The following TAFA1 variants were observed in gnomAD, a reference collection of about 807,000 sequenced individuals.
TAFA1 encodes chemokine-like protein TAFA-1.
In TAFA1, 4 loss-of-function variants were observed where a neutral mutation model predicts 18.5. The ratio of observed to expected loss-of-function variants is 0.22; its 90% CI spans 0.11 to 0.49. TAFA1 has a LOEUF of 0.49. Among genes scored for constraint, TAFA1 ranks in the 20% least tolerant of loss-of-function variants. The pLI is 0.98. For synonymous variants in TAFA1, 56 were observed against 55.2 expected (o/e 1.01, Z -0.06); for missense variants, 147 against 169.0 (o/e 0.87, Z 0.72).
At chr3:68,520,232 T>C (rs1320985353) in intron 3 of TAFA1, among the ~76,000 whole-genome samples, 1 of 152,236 alleles carries the variant, frequency 6.6e-6, no homozygotes, top group Non-Finnish European at 1.5e-5. Flanking sequence ...CCACAAATTA[T>C]ATTCACGAAG....
At chr3:68,138,236 A>G (rs997775603) in intron 2 of TAFA1, among the ~76,000 whole-genome samples, 1 of 152,174 alleles carries the variant, frequency 6.6e-6, no homozygotes, top group African/African-American at 2.4e-5. Context: ...GAAGTGGCCA[A>G]GAGTAGAACT....
chr3:68,310,339 C>T (rs1430171279), intron 2 of TAFA1, among the ~76,000 whole-genome samples: 1 of 151,966 alleles, frequency 6.6e-6, no homozygotes, highest in African/African-American at 2.4e-5. Flanking sequence ...GTCAAGTATA[C>T]CCTAAATATT....
chr3:68,305,728 G>T (rs146473913), intron 2 of TAFA1, among the ~76,000 whole-genome samples: 1 of 151,838 alleles, frequency 6.6e-6, no homozygotes, highest in African/African-American at 2.4e-5. Context: ...CAAGGGAAGA[G>T]GATATGTAAT....
At chr3:68,060,091 G>C (rs889872039) in intron 2 of TAFA1, among the ~76,000 whole-genome samples, 1 of 151,752 alleles carries the variant, frequency 6.6e-6, no homozygotes, top group Admixed American at 6.6e-5. Flanking sequence ...ACACACACAC[G>C]CACAAAAAAC....
chr3:68,292,098 C>T (rs1440241129), intron 2 of TAFA1, among the ~76,000 whole-genome samples: 2 of 152,160 alleles, frequency 1.3e-5, no homozygotes, highest in African/African-American at 2.4e-5. Context: ...TCAACCTAGA[C>T]ATCAATTATG....
In TAFA1 at chr3:68,057,734, C is replaced by A. The variant is rs139868080; in HGVS notation, c.118+50990C>A. ...TGGATTCAATGTAATTACAAGAATTCTTGTAAGTGAAAGATACAGCCTCCA... is the reference window on the plus strand; with the variant it reads ...TGGATTCAATGTAATTACAAGAATTATTGTAAGTGAAAGATACAGCCTCCA... On this transcript the variant is annotated intron_variant, in intron 2 of 4. Coordinates refer to ENST00000478136, the MANE Select transcript of TAFA1 (RefSeq NM_213609.4). Among the ~76,000 whole-genome samples, 32 of 152,232 alleles carry A rather than the reference C, an allele frequency of 2.1e-4. No homozygotes were observed. In the East Asian group the frequency reaches 6.0e-3, roughly 29 times the overall value.
intron 2 of TAFA1, among the ~76,000 whole-genome samples, chr3:68,201,076 T>G (rs554551342): frequency 6.6e-6 from 1 of 151,680 alleles, no homozygotes; most frequent in Non-Finnish European, 1.5e-5. Flanking sequence ...GTTTTTGTTT[T>G]CACTCATTTT....
rs553785671 is a variant in TAFA1 at position 68,368,076 on chromosome 3, C to T, written c.119-49204C>T. On this transcript the variant is annotated intron_variant, in intron 2 of 4. Transcript: ENST00000478136. ...TTACAATGAAAAATAAGCCATTCTA[C>T]GTGTAAATATACATGTAATTCTGCC... Among the ~76,000 whole-genome samples, 11 of 152,232 alleles carry T rather than the reference C, an allele frequency of 7.2e-5. No individual in the cohort carries two copies. In the South Asian group the frequency reaches 8.3e-4, roughly 11 times the overall value.
intron 2 of TAFA1, among the ~76,000 whole-genome samples, chr3:68,352,363 C>T (rs2069285601): frequency 6.6e-6 from 1 of 151,874 alleles, no homozygotes; most frequent in Admixed American, 6.6e-5. Context: ...AACTCTAGCT[C>T]CTACAGCATC....
intron 2 of TAFA1, among the ~76,000 whole-genome samples, chr3:68,166,591 G>A (rs997982083): frequency 2.0e-5 from 3 of 152,184 alleles, no homozygotes; most frequent in African/African-American, 7.2e-5. Context: ...CATAAAGGAA[G>A]CCGGCAGAGT....
rs1278057118 is a variant in TAFA1, at chr3:68,192,194, T to A, written c.118+185450T>A. On this transcript the variant is annotated intron_variant, in intron 2 of 4. Coordinates refer to ENST00000478136, the MANE Select transcript of TAFA1 (RefSeq NM_213609.4). ...TGTAAGGGACCGAGTGATACAGCTT[T>A]TGCTCTCATGGAGATTATGACAATT... Among the ~76,000 whole-genome samples the A allele has an allele frequency of 7.9e-5, 12 of 151,922 alleles. No homozygotes were observed. The East Asian group carries it at 2.1e-3, about 27-fold the overall frequency.
chr3:68,182,497 A>G (rs2066216950), intron 2 of TAFA1, among the ~76,000 whole-genome samples: 1 of 152,168 alleles, frequency 6.6e-6, no homozygotes, highest in African/African-American at 2.4e-5. Context: ...CAAATATCAG[A>G]AATGGGAATT....
At chr3:68,472,875 T>C (rs575945245) in intron 3 of TAFA1, among the ~76,000 whole-genome samples, 2 of 152,286 alleles carry the variant, frequency 1.3e-5, no homozygotes, top group South Asian at 4.1e-4. Flanking sequence ...GGCACATCAT[T>C]CAAGCTTTAA....
At chr3:68,103,300 G>A (rs1271462458) in intron 2 of TAFA1, among the ~76,000 whole-genome samples, 1 of 152,198 alleles carries the variant, frequency 6.6e-6, no homozygotes, top group African/African-American at 2.4e-5. Flanking sequence ...GCTGCAGGAA[G>A]GGCTGACCCA....
intron 3 of TAFA1, among the ~76,000 whole-genome samples, chr3:68,529,655 G>A (rs1175700153): frequency 6.6e-6 from 1 of 152,118 alleles, no homozygotes; most frequent in Non-Finnish European, 1.5e-5. Flanking sequence ...ACCACTCATG[G>A]CAGAAGGTGA....
chr3:68,092,923 G>C (rs1463105615), intron 2 of TAFA1, among the ~76,000 whole-genome samples: 1 of 152,082 alleles, frequency 6.6e-6, no homozygotes, highest in Non-Finnish European at 1.5e-5. Context: ...AACAAGGCTG[G>C]CTGGGAAAAA....
intron 2 of TAFA1, among the ~76,000 whole-genome samples, chr3:68,166,486 G>T: frequency 6.6e-6 from 1 of 152,044 alleles, no homozygotes; most frequent in East Asian, 1.9e-4. Flanking sequence ...TAAATCATTT[G>T]CCATTTTGAC....
At chr3:68,145,331 A>G (rs558951592) in intron 2 of TAFA1, 45 of 794,568 alleles carry the variant, frequency 5.7e-5, no homozygotes, top group African/African-American at 2.7e-4. Context: ...GGAAGCACTT[A>G]GAGATGCAAC....
At chr3:68,142,500 G>A (rs1049000298) in intron 2 of TAFA1, among the ~76,000 whole-genome samples, 5 of 152,140 alleles carry the variant, frequency 3.3e-5, no homozygotes, top group Admixed American at 2.0e-4. Flanking sequence ...GTCCTTGAAC[G>A]TTCTTGCATT....
Sources: allele counts gnomAD v4.1 joint callset (sites outside exome capture counted in the v4.1 genomes callset), GRCh38; gene constraint gnomAD v4.1.1; transcripts MANE v1.5; gene names NCBI Gene and HGNC (gene_info 2026-07-23, HGNC 2026-07-21).